The following MAFB variants were observed in gnomAD, a reference collection of about 807,000 sequenced individuals.
The protein encoded by MAFB is MAF bZIP transcription factor B.
A neutral mutation model predicts 17.7 loss-of-function variants in MAFB; 3 were observed. That is an observed-to-expected ratio of 0.17 (90% CI 0.08 to 0.44). MAFB has a LOEUF of 0.44. MAFB is among the 20% of genes least tolerant of loss of function. The probability of loss-of-function intolerance (pLI) is 0.99; values close to 1 mark genes in which losing one functional copy is unlikely to be tolerated. For missense variants in MAFB, 355 were observed against 461.3 expected (o/e 0.77, Z 2.11); for synonymous variants, 214 against 211.5 (o/e 1.01, Z -0.10).
chr20:40,687,999 C>T lies in MAFB; in HGVS notation c.852G>A (p.Val284=), dbSNP rs1018169991. The change falls in exon 1 of 1, where the codon GTG becomes GTA. Residue 284 remains valine (V), a synonymous_variant. Transcript: ENST00000373313. ...IQQVEQLKQE[V]SRLARERDAY... ...CGTCTCTCTCGCGGGCCAGCCGGGA[C>T]ACCTCCTGCTTAAGCTGCTCCACCT... 1.2e-6 allele frequency: 2 copies of T among 1,614,190 alleles called. No homozygotes were observed. Among genetic ancestry groups the T allele is most frequent in the Non-Finnish European group, 1.7e-6 (2 of 1,180,042 alleles).
Position 40,686,616 on chromosome 20 carries a change from G to A in MAFB, c.*1263C>T. On this transcript the variant is annotated 3_prime_UTR_variant, in exon 1 of 1. Coordinates refer to ENST00000373313, the MANE Select transcript of MAFB (RefSeq NM_005461.5). ...GCGCAGGCCCAGAGGGTTCAGAAGG[G>A]ACCTCAGGGTGATTCTGGTTACAAT... is the stretch of plus-strand genomic sequence containing the variant. 2.5e-6 allele frequency: 1 copy of A among 397,886 alleles called. No individual in the cohort carries two copies. The highest frequency in any genetic ancestry group is 4.4e-6 in the Non-Finnish European group (1 of 226,038). 24.6% of individuals were successfully genotyped at this position (397,886 alleles called of 1,614,324 possible).
Position 40,688,175 on chromosome 20 carries a change from G to C in MAFB, c.676C>G (p.Arg226Gly). 1 of 1,606,884 alleles carries C rather than the reference G, an allele frequency of 6.2e-7. No individual in the cohort carries two copies. Among genetic ancestry groups the C allele is most frequent in the Non-Finnish European group, 8.5e-7 (1 of 1,179,102 alleles). ...TCCTTGGTGAAGCCCCGCAGGTGGC[G>C]GTTCAGCTCGCGCACGGACATGGAC... Reference protein sequence around the residue: ...LVSMSVRELNRHLRGFTKDEV... With the variant: ...LVSMSVRELNGHLRGFTKDEV... The change falls in exon 1 of 1, where the codon CGC becomes GGC. Residue 226 changes from arginine to glycine, a missense_variant. This residue lies in a region of MAFB where 285 missense variants were observed against 350.0 expected (regional missense o/e 0.81). Coordinates refer to ENST00000373313, the MANE Select transcript of MAFB (RefSeq NM_005461.5).
Position 40,686,922 on chromosome 20 carries a change from T to G in MAFB, c.*957A>C. 2.5e-6 allele frequency: 1 copy of G among 398,184 alleles called. No individual in the cohort carries two copies. The highest frequency in any genetic ancestry group is 3.6e-5 in the East Asian group (1 of 28,040). 24.7% of individuals were successfully genotyped at this position (398,184 alleles called of 1,614,324 possible). A position where few individuals can be genotyped will look rare whatever the true frequency, so the allele number is the denominator to read the frequency against. On this transcript the variant is annotated 3_prime_UTR_variant, in exon 1 of 1. Transcript: ENST00000373313. ...AGTGTGCCCCAAGACAAAGTTGTTT[T>G]CTGATGCAAAATGCCCGGAACTTTT...
Position 40,688,877 on chromosome 20 carries a change from G to A in MAFB, c.-27C>T. On this transcript the variant is annotated 5_prime_UTR_variant, in exon 1 of 1. Coordinates refer to ENST00000373313, the MANE Select transcript of MAFB (RefSeq NM_005461.5). Reference sequence around the variant, plus strand: ...GCTGAAGCGAGGCGCAGCCGCCGCTGCCGCCCGGGAAACTTTGCGGCCGGC... The same window carrying A: ...GCTGAAGCGAGGCGCAGCCGCCGCTACCGCCCGGGAAACTTTGCGGCCGGC... 1 of 1,570,742 alleles carries A rather than the reference G, an allele frequency of 6.4e-7. No individual in the cohort carries two copies. Among genetic ancestry groups the A allele is most frequent in the African/African-American group, 1.4e-5 (1 of 72,394 alleles).
rs1479381871 is a variant in MAFB at position 40,687,248 on chromosome 20, T to C, written c.*631A>G. The stretch of plus-strand genomic sequence containing the variant: ...CAGCATGCAGGATTAATATTTTTAA[T>C]GCAGATTTTTTGTATTTTTCTATAT... On this transcript the variant is annotated 3_prime_UTR_variant, in exon 1 of 1. Coordinates refer to ENST00000373313, the MANE Select transcript of MAFB (RefSeq NM_005461.5). 1 of 398,478 alleles carries C rather than the reference T, an allele frequency of 2.5e-6. No homozygotes were observed. The highest frequency in any genetic ancestry group is 4.4e-6 in the Non-Finnish European group (1 of 226,330). 24.7% of individuals were successfully genotyped at this position (398,478 alleles called of 1,614,324 possible).
In MAFB at chr20:40,688,672, A is replaced by G; in HGVS notation, c.179T>C (p.Leu60Pro). 6.2e-7 allele frequency: 1 copy of G among 1,613,924 alleles called. No individual in the cohort carries two copies. The highest frequency in any genetic ancestry group is 8.5e-7 in the Non-Finnish European group (1 of 1,179,894). The change falls in exon 1 of 1, where the codon CTC (leucine) becomes CCC (proline). Residue 60 changes from leucine to proline, a missense_variant. By Grantham distance (98) the Leu-to-Pro change is moderately conservative. Around this residue, in one of 3 missense-constraint regions of MAFB, gnomAD observed 285 missense variants for 350.0 expected, o/e 0.81. Transcript: ENST00000373313. ...QPAGSVSSTP[L>P]STPCSSVPSS... ...GGGCACGGAGCTACACGGAGTGCTGAGCGGTGTGGAGGACACCGAGCCGGC... is the reference window on the plus strand; with the variant it reads ...GGGCACGGAGCTACACGGAGTGCTGGGCGGTGTGGAGGACACCGAGCCGGC...
Position 40,687,789 on chromosome 20 carries a change from C to A in MAFB, c.*90G>T. The A allele has an allele frequency of 7.0e-7, 1 of 1,437,668 alleles. No homozygotes were observed. Among genetic ancestry groups the A allele is most frequent in the Admixed American group, 2.1e-5 (1 of 47,126 alleles). 89.1% of individuals were successfully genotyped at this position (1,437,668 alleles called of 1,614,324 possible). On this transcript the variant is annotated 3_prime_UTR_variant, in exon 1 of 1. Coordinates refer to ENST00000373313, the MANE Select transcript of MAFB (RefSeq NM_005461.5). ...AAACAGGTCAAGGCTGGGGCCGCGG[C>A]AGGGACAGGGTCCGGGGTAGTCTGG... is the stretch of plus-strand genomic sequence containing the variant.
Position 40,687,925 on chromosome 20 carries a change from G to A in MAFB, c.926C>T (p.Ala309Val), listed in dbSNP as rs1178178066. 6.2e-7 allele frequency: 1 copy of A among 1,613,090 alleles called. No individual in the cohort carries two copies. Among genetic ancestry groups the A allele is most frequent in the East Asian group, 2.2e-5 (1 of 44,878 alleles). ...GGAGGGGCTGTCGCTGGTGGAGCCC[G>A]CCTCCCTGAAGCCGGAGTTGGCGAG... is the stretch of plus-strand genomic sequence containing the variant. ...EKLANSGFREAGSTSDSPSSP... is the reference protein window; with the variant it reads ...EKLANSGFREVGSTSDSPSSP... The change falls in exon 1 of 1, where the codon GCG (alanine) becomes GTG (valine). Residue 309 changes from alanine (A) to valine (V), a missense_variant. Coordinates refer to ENST00000373313, the MANE Select transcript of MAFB (RefSeq NM_005461.5).
Position 40,688,937 on chromosome 20 carries a change from C to G in MAFB, c.-87G>C, listed in dbSNP as rs963532468. On this transcript the variant is annotated 5_prime_UTR_variant, in exon 1 of 1. Coordinates refer to ENST00000373313, the MANE Select transcript of MAFB (RefSeq NM_005461.5). ...CCGAGCCAAGCGCGGGGGGGAAGAG[C>G]GGAGAAGAGCTGGGGAGGCGGGGAG... is the stretch of plus-strand genomic sequence containing the variant. The G allele has an allele frequency of 5.0e-5, 74 of 1,477,748 alleles. No homozygotes were observed. The South Asian group carries it at 1.0e-3, about 20-fold the overall frequency. 91.5% of individuals were successfully genotyped at this position (1,477,748 alleles called of 1,614,324 possible).
Position 40,689,100 on chromosome 20 carries a change from G to C in MAFB, c.-250C>G. The C allele has an allele frequency of 2.1e-6, 1 of 480,420 alleles. No individual in the cohort carries two copies. 29.8% of individuals were successfully genotyped at this position (480,420 alleles called of 1,614,324 possible). A position where few individuals can be genotyped will look rare whatever the true frequency, so the allele number is the denominator to read the frequency against. On this transcript the variant is annotated 5_prime_UTR_variant, in exon 1 of 1. Coordinates refer to ENST00000373313, the MANE Select transcript of MAFB (RefSeq NM_005461.5). ...GCAGGGACCGGGCCGGGTAGAGTCGGGCGGGGTGGAGAGGCAAGCGGAGCG... is the reference window on the plus strand; with the variant it reads ...GCAGGGACCGGGCCGGGTAGAGTCGCGCGGGGTGGAGAGGCAAGCGGAGCG...
At position 40,689,044 on chromosome 20, in the gene MAFB, G is replaced by A. The variant is rs1023064892; in HGVS notation, c.-194C>T. 1.4e-6 allele frequency: 1 copy of A among 712,640 alleles called. No homozygotes were observed. The highest frequency in any genetic ancestry group is 2.1e-6 in the Non-Finnish European group (1 of 482,026). The allele number at this position is 712,640 out of a possible 1,614,324, so 44.1% of individuals were successfully genotyped here. On this transcript the variant is annotated 5_prime_UTR_variant, in exon 1 of 1. Transcript: ENST00000373313. ...GCGCCGGAGAGTCCCGAGGCTGCCT[G>A]CACCGCCCCAGAGCTCTGGGCTGTG... is the stretch of plus-strand genomic sequence containing the variant.
chr20:40,688,578 G>C lies in MAFB; in HGVS notation c.273C>G (p.Asn91Lys). 1 of 1,614,138 alleles carries C rather than the reference G, an allele frequency of 6.2e-7. No homozygotes were observed. The highest frequency in any genetic ancestry group is 8.5e-7 in the Non-Finnish European group (1 of 1,179,984). ...GCGCCTCGGGGTTCATCTGCTGGTA[G>C]TTGCTCGCCATCCAGTACAGATCCT... The part of the protein sequence containing the change: ...HLEDLYWMAS[N>K]YQQMNPEALN... The change falls in exon 1 of 1, where the codon AAC becomes AAG. Residue 91 changes from asparagine (N) to lysine (K), a missense_variant. This residue lies in a region of MAFB where 285 missense variants were observed against 350.0 expected (regional missense o/e 0.81). Transcript: ENST00000373313.
rs556320490 is a variant in MAFB, at chr20:40,687,821, G to A, written c.*58C>T. 4.9e-4 allele frequency: 763 copies of A among 1,565,524 alleles called. 3 individuals are homozygous for A. In the African/African-American group the frequency reaches 9.4e-3, roughly 19 times the overall value. Reference sequence around the variant, plus strand: ...AGGGTCCGGGGTAGTCTGGGACTAGGGACGTGGGACAGGGAGTCCGGGCCG... The same window carrying A: ...AGGGTCCGGGGTAGTCTGGGACTAGAGACGTGGGACAGGGAGTCCGGGCCG... On this transcript the variant is annotated 3_prime_UTR_variant, in exon 1 of 1. Transcript: ENST00000373313.
rs1047021220 is a variant in MAFB at position 40,689,073 on chromosome 20, G to C, written c.-223C>G. 6 of 556,468 alleles carry C rather than the reference G, an allele frequency of 1.1e-5. No homozygotes were observed. In the African/African-American group the frequency reaches 1.2e-4, roughly 11 times the overall value. The allele number at this position is 556,468 out of a possible 1,614,324, so 34.5% of individuals were successfully genotyped here. ...CGCCCCAGAGCTCTGGGCTGTGCCC[G>C]CGCAGGGACCGGGCCGGGTAGAGTC... On this transcript the variant is annotated 5_prime_UTR_variant, in exon 1 of 1. Transcript: ENST00000373313.
chr20:40,688,252 G>A lies in MAFB; in HGVS notation c.599C>T (p.Ala200Val). Residue 200 changes from alanine to valine, a missense_variant, in exon 1 of 1, where the codon GCG becomes GTG. By Grantham distance (64) the Ala-to-Val change is moderately conservative. Coordinates refer to ENST00000373313, the MANE Select transcript of MAFB (RefSeq NM_005461.5). ...CTCCACGCTGCCGTTGCCGCCCGCC[G>A]CCGTCGCCGAGGCCGTCGCGTGCGG... ...PGPHATASAT[A>V]AGGNGSVEDR... 1.3e-6 allele frequency: 2 copies of A among 1,552,302 alleles called. No homozygotes were observed. Among genetic ancestry groups the A allele is most frequent in the Non-Finnish European group, 1.7e-6 (2 of 1,155,716 alleles).
Position 40,688,312 on chromosome 20 carries a change from G to T in MAFB, c.539C>A (p.Ala180Glu), listed in dbSNP as rs935109003. ...GGGGTGGCTAGTGGGCAGCTGTTGC[G>T]CCGGGCTAGCGGCGCTGGACGGCGG... ...SPPPSSAASP[A>E]QQLPTSHPGP... The change falls in exon 1 of 1, where the codon GCG (alanine) becomes GAG (glutamate). Residue 180 changes from alanine (A) to glutamate (E), a missense_variant. Physicochemically the swap from Ala to Glu is moderately radical, Grantham distance 107. Transcript: ENST00000373313. The T allele has an allele frequency of 2.2e-5, 33 of 1,516,754 alleles. No individual in the cohort carries two copies. The highest frequency in any genetic ancestry group is 2.8e-5 in the Non-Finnish European group (32 of 1,144,450). 94.0% of individuals were successfully genotyped at this position (1,516,754 alleles called of 1,614,324 possible).
chr20:40,686,514 G>GGT lies in MAFB; in HGVS notation c.*1364_*1365insAC. The GGT allele has an allele frequency of 2.5e-6, 1 of 395,318 alleles. No individual in the cohort carries two copies. Among genetic ancestry groups the GGT allele is most frequent in the South Asian group, 1.4e-4 (1 of 6,992 alleles). 24.5% of individuals were successfully genotyped at this position (395,318 alleles called of 1,614,324 possible). A position where few individuals can be genotyped will look rare whatever the true frequency, so the allele number is the denominator to read the frequency against. On this transcript the variant is annotated 3_prime_UTR_variant, in exon 1 of 1. Coordinates refer to ENST00000373313, the MANE Select transcript of MAFB (RefSeq NM_005461.5). ...AGCATAGCAGTTGGTTCAGTGCAGTGTCTGCTTACCAGTGCACTGCCAGGG... is the reference window on the plus strand; with the variant it reads ...AGCATAGCAGTTGGTTCAGTGCAGTGGTTCTGCTTACCAGTGCACTGCCAGGG...
rs753635691 is a variant in MAFB at position 40,687,986 on chromosome 20, G to A, written c.865C>T (p.Arg289Cys). Residue 289 changes from arginine (R) to cysteine (C), a missense_variant, in exon 1 of 1, where the codon CGC becomes TGC. Around this residue, in one of 3 missense-constraint regions of MAFB, gnomAD observed 63 missense variants for 69.4 expected, o/e 0.91. Transcript: ENST00000373313. ...TTGACCTTGTAGGCGTCTCTCTCGCGGGCCAGCCGGGACACCTCCTGCTTA... is the reference window on the plus strand; with the variant it reads ...TTGACCTTGTAGGCGTCTCTCTCGCAGGCCAGCCGGGACACCTCCTGCTTA... ...QLKQEVSRLA[R>C]ERDAYKVKCE... 4.3e-6 allele frequency: 7 copies of A among 1,614,082 alleles called. No individual in the cohort carries two copies. The highest frequency in any genetic ancestry group is 5.9e-6 in the Non-Finnish European group (7 of 1,180,024).
Position 40,686,680 on chromosome 20 carries a change from T to A in MAFB, c.*1199A>T. ...GAGGATCTGTTTTCCTTTCCTTTCC[T>A]TTCTTATTAAGGGTATCAATTTGAC... On this transcript the variant is annotated 3_prime_UTR_variant, in exon 1 of 1. Transcript: ENST00000373313. The A allele has an allele frequency of 2.5e-6, 1 of 398,668 alleles. No individual in the cohort carries two copies. Among genetic ancestry groups the A allele is most frequent in the Non-Finnish European group, 4.4e-6 (1 of 226,092 alleles). 24.7% of individuals were successfully genotyped at this position (398,668 alleles called of 1,614,324 possible).
Sources: allele counts gnomAD v4.1 joint callset, GRCh38; gene constraint gnomAD v4.1.1; regional missense constraint gnomAD v4.1.1; transcripts MANE v1.5; gene names NCBI Gene and HGNC (gene_info 2026-07-23, HGNC 2026-07-21).